SNTG1: variants seen among roughly 807,000 people sequenced by gnomAD.
SNTG1 encodes the protein syntrophin gamma 1.
A neutral mutation model predicts 74.7 loss-of-function variants in SNTG1; 39 were observed. That is an observed-to-expected ratio of 0.52 (90% CI 0.40 to 0.68). SNTG1 has a LOEUF of 0.68. Among genes scored for constraint, SNTG1 ranks in the 30% least tolerant of loss-of-function variants. The pLI, the probability that SNTG1 is intolerant of heterozygous loss-of-function variation, is 0.00. For missense variants in SNTG1, 685 were observed against 609.5 expected (o/e 1.12, Z -1.30); for synonymous variants, 254 against 217.1 (o/e 1.17, Z -1.49).
Position 50,728,894 on chromosome 8 carries a change from G to T in SNTG1, c.1284+19916G>T, listed in dbSNP as rs370143458. Among the ~76,000 whole-genome samples, 109 of 152,254 alleles carry T rather than the reference G, an allele frequency of 7.2e-4. 2 individuals are homozygous for T. The highest frequency in any genetic ancestry group is 1.9e-3 in the African/African-American group (81 of 41,560). On this transcript the variant is annotated intron_variant, in intron 17 of 18. Coordinates refer to ENST00000642720, the MANE Select transcript of SNTG1 (RefSeq NM_018967.5). Reference sequence around the variant, plus strand: ...TTATCTCATTCCACTTGTATTTGCAGAAAATGGATACCCAGATGCACTGTC... The same window carrying T: ...TTATCTCATTCCACTTGTATTTGCATAAAATGGATACCCAGATGCACTGTC...
At chr8:50,232,087 A>G (rs2085657648) in intron 2 of SNTG1, among the ~76,000 whole-genome samples, 2 of 151,472 alleles carry the variant, frequency 1.3e-5, no homozygotes, top group South Asian at 4.1e-4. Context: ...ATTCATTTTA[A>G]TGAAGCTAGC....
At chr8:50,783,995 A>G (rs1164841757) in intron 18 of SNTG1, among the ~76,000 whole-genome samples, 1 of 152,196 alleles carries the variant, frequency 6.6e-6, no homozygotes, top group Admixed American at 6.5e-5. Context: ...TATCAAAGTA[A>G]GGGAGAATGC....
intron 2 of SNTG1, among the ~76,000 whole-genome samples, chr8:50,195,226 A>G (rs972909603): frequency 3.3e-5 from 5 of 151,972 alleles, no homozygotes; most frequent in African/African-American, 1.2e-4. Flanking sequence ...AGTGGGGGAA[A>G]GCCAGCAGTC....
At chr8:50,151,705 T>C (rs1586496438) in intron 1 of SNTG1, among the ~76,000 whole-genome samples, 1 of 152,218 alleles carries the variant, frequency 6.6e-6, no homozygotes, top group South Asian at 2.1e-4. Flanking sequence ...TCAGTTTCCA[T>C]GTAGTTGATT....
intron 1 of SNTG1, among the ~76,000 whole-genome samples, chr8:50,053,622 A>ATT (rs1819765831): frequency 1.9e-5 from 1 of 52,922 alleles, no homozygotes; most frequent in Non-Finnish European, 3.6e-5. Flanking sequence ...AATATATATA[A>ATT]TTGTGTGTGT....
chr8:50,612,885 G>A (rs913678823), intron 13 of SNTG1, among the ~76,000 whole-genome samples: 62 of 152,076 alleles, frequency 4.1e-4, no homozygotes, highest in African/African-American at 1.4e-3. Flanking sequence ...TGCAGCAGAT[G>A]TGATTCAGAA....
At chr8:50,783,088 C>T (rs528369251) in intron 18 of SNTG1, among the ~76,000 whole-genome samples, 1 of 152,202 alleles carries the variant, frequency 6.6e-6, no homozygotes, top group South Asian at 2.1e-4. Context: ...GAGTACCCGG[C>T]CGTGTGAGGT....
At chr8:50,508,095 T>C (rs2094025926) in intron 9 of SNTG1, among the ~76,000 whole-genome samples, 1 of 151,168 alleles carries the variant, frequency 6.6e-6, no homozygotes, top group African/African-American at 2.5e-5. Flanking sequence ...CAGGCTACGG[T>C]ATGTGATGTT....
chr8:50,465,403 T>C lies in SNTG1; in HGVS notation c.363+14674T>C, dbSNP rs114649117. On this transcript the variant is annotated intron_variant, in intron 8 of 18. Coordinates refer to ENST00000642720, the MANE Select transcript of SNTG1 (RefSeq NM_018967.5). Reference sequence around the variant, plus strand: ...AAACATTTGTAACACAATAAGATTCTCTTGTCACATTCTGCATTTTGTCAT... The same window carrying C: ...AAACATTTGTAACACAATAAGATTCCCTTGTCACATTCTGCATTTTGTCAT... Among the ~76,000 whole-genome samples the C allele has an allele frequency of 3.0e-3, 463 of 152,328 alleles. 2 individuals are homozygous for C. The highest frequency in any genetic ancestry group is 0.011 in the African/African-American group (448 of 41,584).
At chr8:49,963,798 T>G (rs1166136506) in intron 1 of SNTG1, among the ~76,000 whole-genome samples, 1 of 152,232 alleles carries the variant, frequency 6.6e-6, no homozygotes, top group African/African-American at 2.4e-5. Flanking sequence ...AAAATAGAAC[T>G]TCACAGAGAC....
intron 13 of SNTG1, among the ~76,000 whole-genome samples, chr8:50,635,222 A>T (rs1386228029): frequency 1.3e-5 from 2 of 152,070 alleles, no homozygotes; most frequent in African/African-American, 4.8e-5. Flanking sequence ...GGGACTCAAT[A>T]CCTGTCCCTC....
chr8:49,971,414 T>C (rs1026265604), intron 1 of SNTG1, among the ~76,000 whole-genome samples: 2 of 152,180 alleles, frequency 1.3e-5, no homozygotes, highest in Non-Finnish European at 1.5e-5. Flanking sequence ...AATATCATAC[T>C]GAATGGGCAA....
chr8:50,388,573 T>C (rs1200052474), intron 2 of SNTG1, among the ~76,000 whole-genome samples: 4 of 152,186 alleles, frequency 2.6e-5, no homozygotes, highest in Admixed American at 6.5e-5. Flanking sequence ...TACAGAGGAA[T>C]GGAATCACTG....
chr8:49,917,042 T>C (rs201694344), intron 1 of SNTG1, among the ~76,000 whole-genome samples: 1 of 149,030 alleles, frequency 6.7e-6, no homozygotes, highest in Non-Finnish European at 1.5e-5. Flanking sequence ...TTAAAAATAA[T>C]AAATTTTATT....
At chr8:49,934,437 A>AT (rs940190648) in intron 1 of SNTG1, among the ~76,000 whole-genome samples, 1 of 152,190 alleles carries the variant, frequency 6.6e-6, no homozygotes, top group African/African-American at 2.4e-5. Context: ...GTATTTTCAA[A>AT]TTAGGCAATT....
At chr8:49,912,676 G>T (rs1342319769) in intron 1 of SNTG1, among the ~76,000 whole-genome samples, 1 of 152,080 alleles carries the variant, frequency 6.6e-6, no homozygotes, top group African/African-American at 2.4e-5. Flanking sequence ...AACTATGCAT[G>T]GGAACAAATA....
chr8:50,641,200 A>T (rs560641890), intron 13 of SNTG1, among the ~76,000 whole-genome samples: 1 of 152,344 alleles, frequency 6.6e-6, no homozygotes, highest in East Asian at 1.9e-4. Context: ...ACCTGCAATT[A>T]TTCTTTCTTC....
At chr8:49,981,738 A>G (rs1487182758) in intron 1 of SNTG1, among the ~76,000 whole-genome samples, 3 of 152,196 alleles carry the variant, frequency 2.0e-5, no homozygotes, top group Non-Finnish European at 4.4e-5. Context: ...AATTTTTATG[A>G]AATATTTTCC....
At chr8:50,758,687 G>C (rs2095588289) in intron 18 of SNTG1, among the ~76,000 whole-genome samples, 1 of 152,090 alleles carries the variant, frequency 6.6e-6, no homozygotes, top group East Asian at 1.9e-4. Flanking sequence ...ATTCCATGAT[G>C]TATATGTGCC....
Sources: allele counts gnomAD v4.1 joint callset (sites outside exome capture counted in the v4.1 genomes callset), GRCh38; gene constraint gnomAD v4.1.1; transcripts MANE v1.5; gene names NCBI Gene and HGNC (gene_info 2026-07-23, HGNC 2026-07-21).